TYW1: variants seen among roughly 807,000 people sequenced by gnomAD.
TYW1 encodes tRNA-yW synthesizing protein 1 homolog, also known as S-adenosyl-L-methionine-dependent tRNA 4-demethylwyosine synthase TYW1.
In TYW1, 46 loss-of-function variants were observed where a neutral mutation model predicts 96.2. That is an observed-to-expected ratio of 0.48 (90% confidence interval 0.38 to 0.61). The LOEUF (loss-of-function observed/expected upper bound fraction) is 0.61. Among genes scored for constraint, TYW1 ranks in the 20% least tolerant of loss-of-function variants. TYW1 has a pLI of 0.00. For missense variants in TYW1, 684 were observed against 909.6 expected (o/e 0.75, Z 3.19); for synonymous variants, 274 against 323.0 (o/e 0.85, Z 1.63).
rs1797168873 is a variant in TYW1, at chr7:67,104,072, A to G, written c.1562+5354A>G. Among the ~76,000 whole-genome samples, 4 of 152,270 alleles carry G rather than the reference A, an allele frequency of 2.6e-5. No individual in the cohort carries two copies. In the South Asian group the frequency reaches 8.3e-4, roughly 32 times the overall value. ...ACTGCAATACCACCTGTACTCTGGT[A>G]TCTTTTCAGGGGAATCTAGACTTTG... On this transcript the variant is annotated intron_variant, in intron 12 of 15. Transcript: ENST00000359626.
chr7:67,137,133 C>T (rs1394844832), intron 13 of TYW1, among the ~76,000 whole-genome samples: 1 of 151,930 alleles, frequency 6.6e-6, no homozygotes, highest in Admixed American at 6.6e-5. Flanking sequence ...TATTTTCCTA[C>T]AGGATTTTTG....
At position 67,129,932 on chromosome 7, in the gene TYW1, A is replaced by G. The variant is rs148664455; in HGVS notation, c.1698+12314A>G. 9.6e-4 allele frequency among the ~76,000 whole-genome samples: 146 copies of G among 152,302 alleles called. No homozygotes were observed. In the East Asian group the frequency reaches 0.011, roughly 11 times the overall value. On this transcript the variant is annotated intron_variant, in intron 13 of 15. Coordinates refer to ENST00000359626, the MANE Select transcript of TYW1 (RefSeq NM_018264.4). ...CATTTTTATGTCGTTCCCAAGTACC[A>G]TTTATTGATGAACCATCTTTAAAGT... is the stretch of plus-strand genomic sequence containing the variant.
chr7:67,091,260 T>A (rs1305606184), intron 11 of TYW1, among the ~76,000 whole-genome samples: 2 of 150,892 alleles, frequency 1.3e-5, no homozygotes, highest in Non-Finnish European at 3.0e-5. Context: ...TCATGTTTTT[T>A]TTAGGGACAT....
chr7:67,146,686 A>G (rs1210647882), intron 13 of TYW1, among the ~76,000 whole-genome samples: 1 of 152,258 alleles, frequency 6.6e-6, no homozygotes. Flanking sequence ...TGTGAATTAT[A>G]TCACTTGGGA....
intron 15 of TYW1, among the ~76,000 whole-genome samples, chr7:67,203,515 C>CA (rs1436832694): frequency 3.3e-5 from 5 of 152,140 alleles, no homozygotes; most frequent in Non-Finnish European, 7.4e-5. Context: ...CTGGTGTCGG[C>CA]ATGTTAGCAG....
chr7:67,203,512 C>T (rs761353020), intron 15 of TYW1, among the ~76,000 whole-genome samples: 2 of 152,142 alleles, frequency 1.3e-5, no homozygotes, highest in African/African-American at 4.8e-5. Flanking sequence ...CTACTGGTGT[C>T]GGCATGTTAG....
intron 9 of TYW1, among the ~76,000 whole-genome samples, chr7:67,061,153 G>T (rs965558609): frequency 6.6e-6 from 1 of 152,114 alleles, no homozygotes; most frequent in Non-Finnish European, 1.5e-5. Flanking sequence ...ATTTGAACCC[G>T]GGAGGTGGAG....
At chr7:67,064,564 C>T (rs758395563) in intron 9 of TYW1, among the ~76,000 whole-genome samples, 9 of 152,130 alleles carry the variant, frequency 5.9e-5, no homozygotes, top group East Asian at 1.9e-4. Context: ...AGGCAAAAGG[C>T]ACTTTTTACA....
chr7:67,046,539 G>C (rs1795192091), intron 7 of TYW1, among the ~76,000 whole-genome samples: 1 of 152,042 alleles, frequency 6.6e-6, no homozygotes, highest in Admixed American at 6.6e-5. Flanking sequence ...TTTCTGTTTA[G>C]GCCATGTAAC....
intron 11 of TYW1, among the ~76,000 whole-genome samples, chr7:67,085,336 C>T (rs546224364): frequency 1.3e-5 from 2 of 152,212 alleles, no homozygotes; most frequent in East Asian, 1.9e-4. Flanking sequence ...GGCTGTTTCC[C>T]CCATGGTGTT....
chr7:67,095,792 C>A (rs1002717605), intron 11 of TYW1, among the ~76,000 whole-genome samples: 1 of 151,982 alleles, frequency 6.6e-6, no homozygotes, highest in Non-Finnish European at 1.5e-5. Flanking sequence ...CTACTGAAGT[C>A]AATCAGGGTC....
intron 10 of TYW1, among the ~76,000 whole-genome samples, chr7:67,078,595 ATATT>A (rs1796282868): frequency 6.6e-6 from 1 of 152,016 alleles, no homozygotes; most frequent in Non-Finnish European, 1.5e-5. Flanking sequence ...AACTTTAACT[ATATT>A]TATTCTTCCA....
intron 15 of TYW1, among the ~76,000 whole-genome samples, chr7:67,236,450 A>T (rs1801894257): frequency 6.6e-6 from 1 of 152,176 alleles, no homozygotes; most frequent in Non-Finnish European, 1.5e-5. Flanking sequence ...GGGAGAATCG[A>T]TGGAGGTGGT....
At chr7:67,220,148 G>A (rs200910597) in intron 15 of TYW1, among the ~76,000 whole-genome samples, 3 of 146,072 alleles carry the variant, frequency 2.1e-5, no homozygotes, top group East Asian at 4.0e-4. Flanking sequence ...ATTTAGGGGT[G>A]TGTTGCTTAA....
chr7:67,094,814 A>G (rs1796843408), intron 11 of TYW1, among the ~76,000 whole-genome samples: 1 of 152,050 alleles, frequency 6.6e-6, no homozygotes, highest in Admixed American at 6.6e-5. Context: ...CTGGGGATTC[A>G]TTCTCTTTGT....
chr7:67,163,405 C>T (rs569227854), intron 13 of TYW1, among the ~76,000 whole-genome samples: 119 of 152,254 alleles, frequency 7.8e-4, no homozygotes, highest in African/African-American at 2.7e-3. Flanking sequence ...AGCTTTCTTG[C>T]GCTCATCTCT....
At chr7:67,206,912 G>C (rs965047069) in intron 15 of TYW1, among the ~76,000 whole-genome samples, 2 of 152,136 alleles carry the variant, frequency 1.3e-5, no homozygotes. Flanking sequence ...TATTGGATTT[G>C]TAATGGCCTT....
At chr7:67,047,715 A>G (rs1293465557) in intron 7 of TYW1, among the ~76,000 whole-genome samples, 2 of 149,142 alleles carry the variant, frequency 1.3e-5, no homozygotes, top group African/African-American at 2.5e-5. Context: ...ATTTCAGAGC[A>G]TGTCCCTGAA....
intron 11 of TYW1, among the ~76,000 whole-genome samples, chr7:67,091,478 G>A (rs961277313): frequency 1.3e-5 from 2 of 152,024 alleles, no homozygotes; most frequent in Non-Finnish European, 2.9e-5. Flanking sequence ...ACGAGTTAAC[G>A]GGTACAGCAC....
Sources: allele counts gnomAD v4.1 joint callset (sites outside exome capture counted in the v4.1 genomes callset), GRCh38; gene constraint gnomAD v4.1.1; transcripts MANE v1.5; gene names NCBI Gene and HGNC (gene_info 2026-07-23, HGNC 2026-07-21).